Variants in DSCAM observed in about 807,000 individuals in gnomAD.
DSCAM encodes the protein DS cell adhesion molecule.
A neutral mutation model predicts 217.7 loss-of-function variants in DSCAM; 47 were observed. The ratio of observed to expected loss-of-function variants is 0.22; its 90% CI spans 0.17 to 0.28. DSCAM has a LOEUF of 0.28. Ranked by LOEUF, DSCAM falls within the 10% of genes least tolerant of loss-of-function variation. The probability of loss-of-function intolerance (pLI) is 1.00; values close to 1 mark genes in which losing one functional copy is unlikely to be tolerated. For synonymous variants in DSCAM, 1,056 were observed against 1,015.3 expected (o/e 1.04, Z -0.76); for missense variants, 2,080 against 2,618.3 (o/e 0.79, Z 4.49).
chr21:40,328,451 T>C (rs2074341222), intron 8 of DSCAM, among the ~76,000 whole-genome samples: 1 of 152,216 alleles, frequency 6.6e-6, no homozygotes, highest in Non-Finnish European at 1.5e-5. Context: ...CTTTAATTTA[T>C]GATGTCTCTA....
chr21:40,398,962 T>A (rs2075207900), intron 3 of DSCAM, among the ~76,000 whole-genome samples: 1 of 152,226 alleles, frequency 6.6e-6, no homozygotes, highest in African/African-American at 2.4e-5. Context: ...GCTTGAGGAA[T>A]GAATGATTCA....
intron 3 of DSCAM, among the ~76,000 whole-genome samples, chr21:40,635,610 G>A (rs138028558): frequency 4.6e-5 from 7 of 152,238 alleles, no homozygotes; most frequent in East Asian, 1.9e-4. Context: ...TGTCTGATTC[G>A]TGACTGTGGA....
chr21:40,528,713 C>T (rs752394846), intron 3 of DSCAM, among the ~76,000 whole-genome samples: 1 of 152,062 alleles, frequency 6.6e-6, no homozygotes, highest in East Asian at 1.9e-4. Context: ...CTGCCAGGTA[C>T]TCCATCTGTC....
At chr21:40,190,817 C>T (rs2090945712) in intron 11 of DSCAM, among the ~76,000 whole-genome samples, 1 of 152,178 alleles carries the variant, frequency 6.6e-6, no homozygotes, top group Non-Finnish European at 1.5e-5. Context: ...AAAACTAACA[C>T]CATGATTGAG....
At position 40,093,893 on chromosome 21, in the gene DSCAM, G is replaced by A. The variant is rs1448456652; in HGVS notation, c.3697-19C>T. On this transcript the variant is annotated intron_variant, in intron 20 of 32. Transcript: ENST00000400454. ...TGATCACCTGTAAAAAGAGACATAA[G>A]TGTTCCCACATTCAAAGAAGCATGT... 3.1e-6 allele frequency: 5 copies of A among 1,602,874 alleles called. No individual in the cohort carries two copies. Among genetic ancestry groups the A allele is most frequent in the African/African-American group, 1.3e-5 (1 of 74,680 alleles).
intron 1 of DSCAM, among the ~76,000 whole-genome samples, chr21:40,743,657 T>A (rs561456811): frequency 6.6e-5 from 10 of 152,182 alleles, no homozygotes; most frequent in East Asian, 3.9e-4. Flanking sequence ...TAAAAAAAAA[T>A]TTTGTGATAC....
intron 3 of DSCAM, among the ~76,000 whole-genome samples, chr21:40,414,973 T>C (rs1452572839): frequency 6.6e-6 from 1 of 152,194 alleles, no homozygotes; most frequent in Non-Finnish European, 1.5e-5. Flanking sequence ...CAAAGTTACA[T>C]ATAGCAGGAT....
At chr21:40,558,197 A>G (rs1485059289) in intron 3 of DSCAM, among the ~76,000 whole-genome samples, 1 of 152,190 alleles carries the variant, frequency 6.6e-6, no homozygotes, top group Non-Finnish European at 1.5e-5. Context: ...GTTGTCATTA[A>G]AATGATCTAG....
At chr21:40,664,063 C>T (rs2090172255) in intron 3 of DSCAM, among the ~76,000 whole-genome samples, 1 of 152,200 alleles carries the variant, frequency 6.6e-6, no homozygotes, top group Non-Finnish European at 1.5e-5. Context: ...ACAACATATG[C>T]ACAAATAATG....
intron 26 of DSCAM, among the ~76,000 whole-genome samples, chr21:40,076,534 G>A (rs1205291063): frequency 6.6e-6 from 1 of 152,142 alleles, no homozygotes; most frequent in Non-Finnish European, 1.5e-5. Context: ...TAAATATGCA[G>A]CCATATTTCT....
intron 3 of DSCAM, among the ~76,000 whole-genome samples, chr21:40,603,925 CTTTTTTTT>C (rs3070814): frequency 2.1e-5 from 2 of 97,322 alleles, no homozygotes; most frequent in Non-Finnish European, 4.0e-5. Flanking sequence ...TTTTGCATTT[CTTTTTTTT>C]TTTTTTTTTT....
intron 20 of DSCAM, among the ~76,000 whole-genome samples, chr21:40,100,938 C>T (rs912092304): frequency 6.6e-6 from 1 of 152,112 alleles, no homozygotes; most frequent in African/African-American, 2.4e-5. Context: ...GAGTGGACTA[C>T]AGTAATTGTG....
intron 1 of DSCAM, among the ~76,000 whole-genome samples, chr21:40,843,195 G>A (rs2092116395): frequency 6.6e-6 from 1 of 152,102 alleles, no homozygotes; most frequent in South Asian, 2.1e-4. Context: ...TTCCTATCAA[G>A]TGAATGGATG....
At chr21:40,216,879 T>C (rs2091248540) in intron 11 of DSCAM, among the ~76,000 whole-genome samples, 1 of 152,240 alleles carries the variant, frequency 6.6e-6, no homozygotes, top group Non-Finnish European at 1.5e-5. Context: ...GTGACCAATG[T>C]CTTTTCTTGG....
At chr21:40,253,955 C>A (rs2073338843) in intron 11 of DSCAM, among the ~76,000 whole-genome samples, 1 of 152,182 alleles carries the variant, frequency 6.6e-6, no homozygotes, top group Non-Finnish European at 1.5e-5. Context: ...TTGCAGCTAT[C>A]CAGGCAGAAG....
intron 11 of DSCAM, among the ~76,000 whole-genome samples, chr21:40,273,508 T>C (rs143322090): frequency 2.5e-4 from 38 of 152,300 alleles, no homozygotes; most frequent in African/African-American, 8.9e-4. Flanking sequence ...CCTGGAGTCT[T>C]TCAGTTTCTT....
chr21:40,707,909 A>G (rs1403804648), intron 2 of DSCAM, among the ~76,000 whole-genome samples: 2 of 152,228 alleles, frequency 1.3e-5, no homozygotes, highest in Admixed American at 6.5e-5. Flanking sequence ...TAGCCCATTC[A>G]GGATTTATGT....
chr21:40,356,474 A>T (rs2074694647), intron 4 of DSCAM, among the ~76,000 whole-genome samples: 1 of 151,934 alleles, frequency 6.6e-6, no homozygotes, highest in Non-Finnish European at 1.5e-5. Flanking sequence ...ACCTCAATTA[A>T]CCTGGAGGAA....
At chr21:40,047,976 T>G (rs8131708) in intron 30 of DSCAM, among the ~76,000 whole-genome samples, 3 of 152,004 alleles carry the variant, frequency 2.0e-5, no homozygotes, top group African/African-American at 7.3e-5. Context: ...CTCTACATAT[T>G]CTATATGTAG....
Sources: allele counts gnomAD v4.1 joint callset (sites outside exome capture counted in the v4.1 genomes callset), GRCh38; gene constraint gnomAD v4.1.1; transcripts MANE v1.5; gene names NCBI Gene and HGNC (gene_info 2026-07-23, HGNC 2026-07-21).